Variants in PCDHA5 observed in about 807,000 individuals in gnomAD.
The protein encoded by PCDHA5 is protocadherin alpha-5.
In PCDHA5, 43 loss-of-function variants were observed where a neutral mutation model predicts 61.6. That is an observed-to-expected ratio of 0.70 (90% CI 0.55 to 0.90). The LOEUF (loss-of-function observed/expected upper bound fraction) is 0.90. Ranked by LOEUF, PCDHA5 falls within the 40% of genes least tolerant of loss-of-function variation. PCDHA5 has a pLI of 0.00. For missense variants in PCDHA5, 1,298 were observed against 1,222.7 expected, an observed-to-expected ratio of 1.06 and a Z score of -0.92; for synonymous variants, 627 against 543.9, an observed-to-expected ratio of 1.15 and a Z score of -2.13.
chr5:140,841,770 C>A lies in PCDHA5; in HGVS notation c.2352+17643C>A, dbSNP rs148555729. 329 of 1,613,798 alleles carry A rather than the reference C, an allele frequency of 2.0e-4. 2 individuals carry two copies. The highest frequency in any genetic ancestry group is 3.6e-5 in the Non-Finnish European group (43 of 1,179,882). ...GTTTCAGAATCCAGAATGCCAGACT[C>A]TCGGTTTCCGCTAGAGGGCGCGTCC... On this transcript the variant is annotated intron_variant, in intron 1 of 3. Transcript: ENST00000529859.
intron 1 of PCDHA5, chr5:140,849,310 G>A (rs2150434559): frequency 3.1e-6 from 4 of 1,307,514 alleles, no homozygotes; most frequent in African/African-American, 1.7e-5. Flanking sequence ...TTAGACGAAG[G>A]CTTGAATGGG....
intron 1 of PCDHA5, among the ~76,000 whole-genome samples, chr5:140,888,308 G>A (rs1383199158): frequency 1.3e-5 from 2 of 152,106 alleles, no homozygotes; most frequent in Non-Finnish European, 2.9e-5. Flanking sequence ...AGATAATTTG[G>A]CAATGCCTGG....
chr5:140,882,280 C>T lies in PCDHA5; in HGVS notation c.2352+58153C>T, dbSNP rs531486554. On this transcript the variant is annotated intron_variant, in intron 1 of 3. Transcript: ENST00000529859. ...TTTTGGAGTGTACCATGCTGTCTTCCTGGCAAGGAGGCCCAAGACCGCGGC... is the reference window on the plus strand; with the variant it reads ...TTTTGGAGTGTACCATGCTGTCTTCTTGGCAAGGAGGCCCAAGACCGCGGC... 1.0e-4 allele frequency: 164 copies of T among 1,612,564 alleles called. 4 individuals are homozygous for T. The South Asian group carries it at 1.7e-3, about 16-fold the overall frequency.
rs2150115607 is a variant in PCDHA5 at position 140,822,334 on chromosome 5, G to A, written c.559G>A (p.Glu187Lys). ...FDLDVKTNEE[E>K]TNFLELVLRK... ...CTTAGATGTTAAAACAAATGAAGAA[G>A]AAACGAACTTTTTAGAGCTGGTTTT... Residue 187 changes from glutamate (E) to lysine (K), a missense_variant, in exon 1 of 4, where the codon GAA becomes AAA. Transcript: ENST00000529859. 40,101 of 1,614,120 alleles carry A rather than the reference G, an allele frequency of 0.025. 600 individuals carry two copies. Among genetic ancestry groups the A allele is most frequent in the Non-Finnish European group, 0.03 (35,975 of 1,179,994 alleles).
intron 1 of PCDHA5, chr5:140,969,338 C>G: frequency 1.1e-5 from 18 of 1,613,914 alleles, no homozygotes; most frequent in Non-Finnish European, 1.4e-5. Context: ...TGAGGTGAGA[C>G]AGTGGTCAGG....
intron 1 of PCDHA5, chr5:140,870,896 C>A (rs946837071): frequency 4.3e-6 from 7 of 1,613,822 alleles, no homozygotes; most frequent in Non-Finnish European, 5.9e-6. Context: ...GCAGTGGATG[C>A]GGACTCAGGC....
rs2150277995 is a variant in PCDHA5, at chr5:140,837,636, T to C, written c.2352+13509T>C. On this transcript the variant is annotated intron_variant, in intron 1 of 3. Coordinates refer to ENST00000529859, the MANE Select transcript of PCDHA5 (RefSeq NM_018908.3). ...TTGCCCCTTCCTTCCTTCCTTCCTTTCTTTCTTTCTTTCTTCCTTTTTCTT... is the reference window on the plus strand; with the variant it reads ...TTGCCCCTTCCTTCCTTCCTTCCTTCCTTTCTTTCTTTCTTCCTTTTTCTT... Among the ~76,000 whole-genome samples the C allele has an allele frequency of 1.4e-3, 182 of 134,336 alleles. 3 individuals are homozygous for C. Among genetic ancestry groups the C allele is most frequent in the African/African-American group, 3.6e-3 (92 of 25,542 alleles). The allele number at this position is 134,336 out of a possible 152,430, so 88.1% of individuals were successfully genotyped here.
At chr5:140,992,918 A>C (rs1362238628) in intron 3 of PCDHA5, among the ~76,000 whole-genome samples, 2 of 152,186 alleles carry the variant, frequency 1.3e-5, no homozygotes, top group Non-Finnish European at 2.9e-5. Context: ...GGCCCTCTCC[A>C]TACTTACAGC....
chr5:140,999,764 T>G (rs1587850651), intron 3 of PCDHA5, among the ~76,000 whole-genome samples: 1 of 152,284 alleles, frequency 6.6e-6, no homozygotes, highest in East Asian at 1.9e-4. Flanking sequence ...CATGATGTCT[T>G]TATACTCTTA....
chr5:140,861,875 G>A (rs536316247), intron 1 of PCDHA5: 3 of 156,086 alleles, frequency 1.9e-5, no homozygotes, highest in African/African-American at 7.2e-5. Context: ...TGGGGGCGAA[G>A]CTGAGCTGAC....
chr5:140,870,666 G>T (rs782557554), intron 1 of PCDHA5: 1 of 1,612,662 alleles, frequency 6.2e-7, no homozygotes, highest in Admixed American at 1.7e-5. Context: ...CGCTGCAGCC[G>T]TTGGACCACG....
Position 140,848,482 on chromosome 5 carries a change from A to G in PCDHA5, c.2352+24355A>G, listed in dbSNP as rs1562444784. ...GGCAATTTTCACTAATTAGAAGAAG[A>G]CTGAGTATTTGAAATGTTATACTCA... On this transcript the variant is annotated intron_variant, in intron 1 of 3. Transcript: ENST00000529859. 3 of 1,569,886 alleles carry G rather than the reference A, an allele frequency of 1.9e-6. 1 individual carries two copies. In the African/African-American group the frequency reaches 4.1e-5, roughly 21 times the overall value.
intron 1 of PCDHA5, among the ~76,000 whole-genome samples, chr5:140,934,420 C>T (rs559621314): frequency 1.1e-4 from 16 of 152,184 alleles, no homozygotes; most frequent in Non-Finnish European, 1.8e-4. Flanking sequence ...TTTGCATTAT[C>T]AATGCAAGTG....
chr5:140,850,365 G>A (rs2150481125), intron 1 of PCDHA5: 1 of 1,597,962 alleles, frequency 6.3e-7, no homozygotes, highest in South Asian at 1.1e-5. Context: ...CCCGTTCCGC[G>A]TGGGGCTGTA....
At chr5:140,929,122 G>A (rs782041922) in intron 1 of PCDHA5, 24 of 1,614,096 alleles carry the variant, frequency 1.5e-5, no homozygotes, top group Non-Finnish European at 1.8e-5. Flanking sequence ...CACCATAGAT[G>A]TCACTACAGT....
At position 140,849,443 on chromosome 5, in the gene PCDHA5, C is replaced by G. The variant is rs2150437584; in HGVS notation, c.2352+25316C>G. On this transcript the variant is annotated intron_variant, in intron 1 of 3. Coordinates refer to ENST00000529859, the MANE Select transcript of PCDHA5 (RefSeq NM_018908.3). ...TGGATTTTGAAGAAAGTAGAGCACA[C>G]AAGATCCCAGTCGAGGCTGTCGATA... 1.9e-6 allele frequency: 3 copies of G among 1,584,788 alleles called. 1 individual carries two copies. The highest frequency in any genetic ancestry group is 8.6e-7 in the Non-Finnish European group (1 of 1,160,072).
Position 140,841,444 on chromosome 5 carries a change from C to A in PCDHA5, c.2352+17317C>A, listed in dbSNP as rs2150315677. 7.4e-6 allele frequency: 12 copies of A among 1,612,806 alleles called. No individual in the cohort carries two copies. In the South Asian group the frequency reaches 8.8e-5, roughly 12 times the overall value. On this transcript the variant is annotated intron_variant, in intron 1 of 3. Coordinates refer to ENST00000529859, the MANE Select transcript of PCDHA5 (RefSeq NM_018908.3). ...ACTCCGTCCCCGAGGAGGCCAAACA[C>A]GGCACCTTCGTGGGCCGGATCGCGC... is the stretch of plus-strand genomic sequence containing the variant.
At chr5:140,883,519 C>T (rs1554178517) in intron 1 of PCDHA5, 12 of 1,614,190 alleles carry the variant, frequency 7.4e-6, no homozygotes, top group Non-Finnish European at 1.0e-5. Flanking sequence ...ACCGCGAGAG[C>T]GTATCAGCCT....
rs2150129886 is a variant in PCDHA5 at position 140,823,868 on chromosome 5, A to T, written c.2093A>T (p.Tyr698Phe). Residue 698 changes from tyrosine to phenylalanine, a missense_variant, in exon 1 of 4, where the codon TAC (tyrosine) becomes TTC (phenylalanine). Physicochemically the swap from Tyr to Phe is conservative, Grantham distance 22 (BLOSUM62 3). Coordinates refer to ENST00000529859, the MANE Select transcript of PCDHA5 (RefSeq NM_018908.3). ...GCTGCCCTGGTGGATGTCAACGTGTACCTGATCATCGCCATCTGTGCGGTG... is the reference window on the plus strand; with the variant it reads ...GCTGCCCTGGTGGATGTCAACGTGTTCCTGATCATCGCCATCTGTGCGGTG... ...PEAALVDVNV[Y>F]LIIAICAVSS... 1.9e-6 allele frequency: 3 copies of T among 1,613,710 alleles called. No individual in the cohort carries two copies. The African/African-American group carries it at 4.0e-5, about 22-fold the overall frequency.
Sources: gnomAD v4.1 joint callset for allele counts (sites outside exome capture counted in the v4.1 genomes callset) on GRCh38, gnomAD v4.1.1 for gene constraint, MANE v1.5 for transcripts, NCBI Gene and HGNC (gene_info 2026-07-23, HGNC 2026-07-21) for gene names.